The following ANAPC7 variants were observed in gnomAD, a reference collection of about 807,000 sequenced individuals.
The protein encoded by ANAPC7 is anaphase-promoting complex subunit 7.
Under a neutral mutation model 63.3 loss-of-function variants are expected in ANAPC7, and 25 were observed. The observed-to-expected ratio is 0.39, with a 90% CI of 0.29 to 0.55. The LOEUF is 0.55. ANAPC7 is among the 20% of genes least tolerant of loss of function. The pLI is 0.57. For missense variants in ANAPC7, 516 were observed against 691.7 expected (o/e 0.75, Z 2.85); for synonymous variants, 241 against 251.7 (o/e 0.96, Z 0.40).
chr12:110,393,652 G>C (rs956484021), intron 3 of ANAPC7, among the ~76,000 whole-genome samples: 4 of 152,124 alleles, frequency 2.6e-5, no homozygotes, highest in Non-Finnish European at 5.9e-5. Context: ...TGGATCACCT[G>C]AAGTCGGGAG....
chr12:110,394,338 A>T (rs1374310198), intron 3 of ANAPC7, among the ~76,000 whole-genome samples: 2 of 151,794 alleles, frequency 1.3e-5, no homozygotes, highest in Non-Finnish European at 2.9e-5. Context: ...CAAAAATAAA[A>T]AAAATTGGCC....
intron 1 of ANAPC7, 73 bp downstream of exon 1, chr12:110,403,454 G>A: frequency 2.7e-6 from 4 of 1,494,230 alleles, no homozygotes; most frequent in Non-Finnish European, 3.6e-6. Context: ...CTGTTCCCAC[G>A]TGCCCTGAGC....
intron 3 of ANAPC7, 86 bp downstream of exon 3, chr12:110,395,015 C>G (rs979987026): frequency 1.2e-5 from 17 of 1,447,856 alleles, no homozygotes; most frequent in Non-Finnish European, 1.3e-5. Context: ...AATGTTCACA[C>G]GGACTCCTTA....
At position 110,387,828 on chromosome 12, in the gene ANAPC7, G is replaced by A. The variant is rs768053095; in HGVS notation, c.585C>T (p.Thr195=). ...VASMTMNVIQ[T]VPNLDWLSVW... is the part of the protein sequence containing the mutation. ...CAGAGAGCCAGTCCAAGTTAGGCACGGTTTGGATCACATTCATTGTCATGG... is the reference window on the plus strand; with the variant it reads ...CAGAGAGCCAGTCCAAGTTAGGCACAGTTTGGATCACATTCATTGTCATGG... Residue 195 remains threonine, a synonymous_variant, in exon 5 of 11, where the codon ACC becomes ACT. Transcript: ENST00000455511. 5.0e-6 allele frequency: 8 copies of A among 1,613,986 alleles called. No homozygotes were observed. The highest frequency in any genetic ancestry group is 2.7e-5 in the African/African-American group (2 of 74,892).
chr12:110,387,910 AG>A lies in ANAPC7; in HGVS notation c.521-19del, dbSNP rs1235963403. 3 of 1,611,332 alleles carry A rather than the reference AG, an allele frequency of 1.9e-6. No individual in the cohort carries two copies. The South Asian group carries it at 3.3e-5, about 18-fold the overall frequency. ...CAACAAGCCTAAACCAACAGAAAGC[AG>A]AAGAAAGAAAGTAAGGCACGATATC... On this transcript the variant is annotated intron_variant, in intron 4 of 10. Coordinates refer to ENST00000455511, the MANE Select transcript of ANAPC7 (RefSeq NM_016238.3).
chr12:110,380,350 C>T lies in ANAPC7; in HGVS notation c.1132+1402G>A, dbSNP rs576004792. Among the ~76,000 whole-genome samples, 207 of 150,530 alleles carry T rather than the reference C, an allele frequency of 1.4e-3. 1 individual carries two copies. Among genetic ancestry groups the T allele is most frequent in the African/African-American group, 4.8e-3 (198 of 40,880 alleles). On this transcript the variant is annotated intron_variant, in intron 8 of 10. Coordinates refer to ENST00000455511, the MANE Select transcript of ANAPC7 (RefSeq NM_016238.3). ...TGGGTGACAGAGTGAGACTCTATCT[C>T]AAATAAAAATAAAAAAAATAGGCCG... is the stretch of plus-strand genomic sequence containing the variant.
chr12:110,387,624 T>C (rs2137956800), intron 5 of ANAPC7, 115 bp downstream of exon 5: 1 of 1,249,130 alleles, frequency 8.0e-7, no homozygotes, highest in South Asian at 1.4e-5. Context: ...TCCCAGAGAC[T>C]GGCTGCAGCA....
At chr12:110,379,462 C>T (rs1028569338) in intron 8 of ANAPC7, among the ~76,000 whole-genome samples, 3 of 152,176 alleles carry the variant, frequency 2.0e-5, no homozygotes, top group African/African-American at 7.2e-5. Context: ...ACTATTCAAC[C>T]GCATCCCTGA....
intron 3 of ANAPC7, among the ~76,000 whole-genome samples, chr12:110,393,497 G>C (rs190961315): frequency 1.1e-3 from 161 of 152,204 alleles, no homozygotes; most frequent in African/African-American, 3.1e-3. Flanking sequence ...GGAGGCTAAG[G>C]GGGGAGGACA....
rs372266566 is a variant in ANAPC7, at chr12:110,387,445, CAA to C, written c.674+292_674+293del. On this transcript the variant is annotated intron_variant, in intron 5 of 10. Coordinates refer to ENST00000455511, the MANE Select transcript of ANAPC7 (RefSeq NM_016238.3). ...AGAGAGAGAGAGACCGACCTTGTCT[CAA>C]AAAAAAAAAAAAAAATGACACACCA... The C allele has an allele frequency of 3.0e-3, 196 of 65,920 alleles. 11 individuals are homozygous for C. Among genetic ancestry groups the C allele is most frequent in the African/African-American group, 0.01 (121 of 12,100 alleles). The allele number at this position is 65,920 out of a possible 1,614,324, so 4.1% of individuals were successfully genotyped here.
chr12:110,396,015 A>G (rs1333821362), intron 2 of ANAPC7, among the ~76,000 whole-genome samples: 1 of 152,192 alleles, frequency 6.6e-6, no homozygotes, highest in African/African-American at 2.4e-5. Flanking sequence ...GATTATAATA[A>G]GGAACACACA....
intron 5 of ANAPC7, 76 bp downstream of exon 5, chr12:110,387,663 T>C (rs928730283): frequency 2.7e-5 from 41 of 1,513,500 alleles, no homozygotes; most frequent in Non-Finnish European, 3.6e-5. Context: ...ATTTTTCTTT[T>C]TGCTACTTCA....
rs1192238766 is a variant in ANAPC7, at chr12:110,386,199, G to A, written c.817+128C>T. On this transcript the variant is annotated intron_variant, in intron 6 of 10. Transcript: ENST00000455511. ...GTGTCATGACCTAAAAAAAGTAAAA[G>A]ACTAGTATAAGTTTTATACACCATT... 4 of 1,356,162 alleles carry A rather than the reference G, an allele frequency of 2.9e-6. No homozygotes were observed. The African/African-American group carries it at 4.4e-5, about 15-fold the overall frequency. 84.0% of individuals were successfully genotyped at this position (1,356,162 alleles called of 1,614,324 possible).
intron 1 of ANAPC7, among the ~76,000 whole-genome samples, chr12:110,399,882 G>A (rs1238070411): frequency 6.6e-6 from 1 of 151,678 alleles, no homozygotes; most frequent in Non-Finnish European, 1.5e-5. Flanking sequence ...GATCACCTGA[G>A]GTCAGGAGTT....
At chr12:110,386,555 A>G (rs1379753062) in intron 5 of ANAPC7, 86 bp from the exon 6 acceptor site, 1 of 1,208,704 alleles carries the variant, frequency 8.3e-7, no homozygotes, top group Non-Finnish European at 1.2e-6. Context: ...TCATACAGAT[A>G]CTATTTTCTT....
intron 1 of ANAPC7, among the ~76,000 whole-genome samples, chr12:110,401,392 G>A (rs998998149): frequency 1.3e-5 from 2 of 152,108 alleles, no homozygotes; most frequent in African/African-American, 4.8e-5. Context: ...TGCTTATTGC[G>A]CACAGCCACT....
chr12:110,383,216 A>G (rs1882108196), intron 6 of ANAPC7: 1 of 343,048 alleles, frequency 2.9e-6, no homozygotes, highest in Non-Finnish European at 5.4e-6. Context: ...AGGCAGGTGG[A>G]TCACGAGGTC....
At chr12:110,385,793 T>G (rs750909603) in intron 6 of ANAPC7, among the ~76,000 whole-genome samples, 12 of 152,196 alleles carry the variant, frequency 7.9e-5, no homozygotes, top group Non-Finnish European at 1.5e-4. Flanking sequence ...TTTCCCACTA[T>G]TCCTGAGAAC....
intron 6 of ANAPC7, 46 bp from the exon 7 acceptor site, chr12:110,383,006 G>A (rs866995903): frequency 6.7e-7 from 1 of 1,491,180 alleles, no homozygotes. Flanking sequence ...AAGAAGAGAA[G>A]CAGGGGTCCC....
Sources: gnomAD v4.1 joint callset for allele counts (sites outside exome capture counted in the v4.1 genomes callset) on GRCh38, gnomAD v4.1.1 for gene constraint, MANE v1.5 for transcripts, NCBI Gene and HGNC (gene_info 2026-07-23, HGNC 2026-07-21) for gene names.